MYH9: variants seen among roughly 807,000 people sequenced by gnomAD.
The protein encoded by MYH9 is myosin-9.
MYH9 carries 29 observed loss-of-function variants against 241.9 expected under a neutral mutation model. That is an observed-to-expected ratio of 0.12 (90% CI 0.09 to 0.16). The LOEUF (loss-of-function observed/expected upper bound fraction) is 0.16. Ranked by LOEUF, MYH9 falls within the 10% of genes least tolerant of loss-of-function variation. MYH9 has a pLI of 1.00. For missense variants in MYH9, 1,803 were observed against 2,595.5 expected (o/e 0.69, Z 6.63); for synonymous variants, 1,047 against 1,062.6 (o/e 0.99, Z 0.29).
chr22:36,367,040 C>T (rs967717807), intron 1 of MYH9, among the ~76,000 whole-genome samples: 20 of 152,170 alleles, frequency 1.3e-4, no homozygotes, highest in South Asian at 1.0e-3. Flanking sequence ...TTGCATACCA[C>T]GTTAGGGGGC....
At position 36,330,607 on chromosome 22, in the gene MYH9, C is replaced by T. The variant is rs16996674; in HGVS notation, c.491-3119G>A. On this transcript the variant is annotated intron_variant, in intron 3 of 40. Coordinates refer to ENST00000216181, the MANE Select transcript of MYH9 (RefSeq NM_002473.6). The surrounding 1 kb of genome is among the most constrained non-coding windows in gnomAD (Gnocchi z 4.5). ...CAACCAGTGGGCTCTTTGGCCTACT[C>T]AGTTTACTCTGCAGCCCACCTCCCC... Among the ~76,000 whole-genome samples, 10,180 of 152,116 alleles carry T rather than the reference C, an allele frequency of 0.067. 1,170 individuals are homozygous for T. Among genetic ancestry groups the T allele is most frequent in the African/African-American group, 0.24 (9,788 of 41,424 alleles).
Position 36,286,831 on chromosome 22 carries a change from A to G in MYH9, c.4948T>C (p.Cys1650Arg), listed in dbSNP as rs758485116. ...LRKLQAQMKD[C>R]MRELDDTRAS... ...CGGGTGTCATCCAGCTCGCGCATGC[A>G]GTCCTTCATCTGGGCCTGGGGTGGG... Residue 1650 changes from cysteine to arginine, a missense_variant, in exon 35 of 41, where the codon TGC (cysteine) becomes CGC (arginine). Around this residue, in one of 11 missense-constraint regions of MYH9, gnomAD observed 876 missense variants for 1,077.8 expected, o/e 0.81. Coordinates refer to ENST00000216181, the MANE Select transcript of MYH9 (RefSeq NM_002473.6). The G allele has an allele frequency of 6.8e-6, 11 of 1,608,804 alleles. No homozygotes were observed. In the African/African-American group the frequency reaches 1.3e-4, roughly 20 times the overall value.
At chr22:36,342,888 T>C (rs537800762) in intron 2 of MYH9, among the ~76,000 whole-genome samples, 1 of 152,336 alleles carries the variant, frequency 6.6e-6, no homozygotes, top group Admixed American at 6.5e-5. Context: ...GACTCGGGTC[T>C]CCAATGCCAA....
chr22:36,282,546 G>C lies in MYH9; in HGVS notation c.*122C>G, dbSNP rs530695299. 3 of 939,218 alleles carry C rather than the reference G, an allele frequency of 3.2e-6. No homozygotes were observed. The highest frequency in any genetic ancestry group is 5.2e-6 in the Non-Finnish European group (3 of 575,924). The allele number at this position is 939,218 out of a possible 1,614,324, so 58.2% of individuals were successfully genotyped here. A position where few individuals can be genotyped will look rare whatever the true frequency, so the allele number is the denominator to read the frequency against. ...AAACGGGATGGGGGGACGGGGCGGA[G>C]GGCAGGAGGAGGCATGTTCACAGCA... On this transcript the variant is annotated 3_prime_UTR_variant, in exon 41 of 41. Transcript: ENST00000216181.
chr22:36,320,734 C>T lies in MYH9; in HGVS notation c.868+64G>A, dbSNP rs575990810. The stretch of plus-strand genomic sequence containing the variant: ...TCATTTCCCAAATGATGTCTACGGT[C>T]CAATTCTGGCAAGAGGCCCAGAGCC... On this transcript the variant is annotated intron_variant, in intron 8 of 40. Transcript: ENST00000216181. The surrounding 1 kb of genome is among the most constrained non-coding windows in gnomAD (Gnocchi z 4.8). 64 of 1,393,042 alleles carry T rather than the reference C, an allele frequency of 4.6e-5. No individual in the cohort carries two copies. Among genetic ancestry groups the T allele is most frequent in the South Asian group, 4.7e-5 (4 of 85,146 alleles). The allele number at this position is 1,393,042 out of a possible 1,614,324, so 86.3% of individuals were successfully genotyped here.
chr22:36,300,028 G>A lies in MYH9; in HGVS notation c.2976+99C>T. Reference sequence around the variant, plus strand: ...CTCATGCTGCAGGCAGAAGAGACAGGAAGCAGCAGCAGCGGGGAGCCAGGC... The same window carrying A: ...CTCATGCTGCAGGCAGAAGAGACAGAAAGCAGCAGCAGCGGGGAGCCAGGC... On this transcript the variant is annotated intron_variant, in intron 23 of 40. Coordinates refer to ENST00000216181, the MANE Select transcript of MYH9 (RefSeq NM_002473.6). This position sits in a 1 kb window ranked among gnomAD's most constrained non-coding sequence, Gnocchi z 5.0. 4 of 1,522,276 alleles carry A rather than the reference G, an allele frequency of 2.6e-6. No homozygotes were observed. The highest frequency in any genetic ancestry group is 3.6e-6 in the Non-Finnish European group (4 of 1,110,624). The allele number at this position is 1,522,276 out of a possible 1,614,324, so 94.3% of individuals were successfully genotyped here. A position where few individuals can be genotyped will look rare whatever the true frequency, so the allele number is the denominator to read the frequency against.
chr22:36,328,313 C>T (rs1005167220), intron 3 of MYH9, among the ~76,000 whole-genome samples: 3 of 152,210 alleles, frequency 2.0e-5, no homozygotes, highest in African/African-American at 7.2e-5. Context: ...GCAGTAATGC[C>T]CACACTCTGA....
At chr22:36,377,596 G>A (rs988660768) in intron 1 of MYH9, among the ~76,000 whole-genome samples, 2 of 152,122 alleles carry the variant, frequency 1.3e-5, no homozygotes, top group African/African-American at 4.8e-5. Flanking sequence ...CAGGCTTGTT[G>A]GATAAATACG....
At chr22:36,360,489 G>A (rs371196882) in intron 1 of MYH9, among the ~76,000 whole-genome samples, 39 of 151,950 alleles carry the variant, frequency 2.6e-4, no homozygotes, top group African/African-American at 8.9e-4. Context: ...CGAGGCGGGC[G>A]GATCACGAGG....
At chr22:36,283,571 G>A (rs776499244) in intron 40 of MYH9, among the ~76,000 whole-genome samples, 4 of 149,374 alleles carry the variant, frequency 2.7e-5, no homozygotes, top group Non-Finnish European at 5.9e-5. Context: ...AAAAAAACAC[G>A]TAAACACATA....
intron 15 of MYH9, among the ~76,000 whole-genome samples, chr22:36,307,339 C>A (rs939346302): frequency 3.9e-5 from 6 of 152,160 alleles, no homozygotes; most frequent in African/African-American, 7.2e-5. Flanking sequence ...GCAATTAAAC[C>A]AATTGCATCC....
intron 1 of MYH9, among the ~76,000 whole-genome samples, chr22:36,383,495 C>T (rs979969141): frequency 2.6e-5 from 4 of 152,112 alleles, no homozygotes; most frequent in Non-Finnish European, 5.9e-5. Context: ...TGTGAATAGG[C>T]AGTCCACAAC....
chr22:36,354,766 T>C (rs575185809), intron 1 of MYH9, among the ~76,000 whole-genome samples: 2 of 152,066 alleles, frequency 1.3e-5, no homozygotes, highest in African/African-American at 4.8e-5. Flanking sequence ...CACCTTGAGA[T>C]ACATTCCCAG....
At chr22:36,314,046 G>C (rs2146356649) in intron 13 of MYH9, 99 bp downstream of exon 13, 5 of 1,447,872 alleles carry the variant, frequency 3.5e-6, no homozygotes, top group Non-Finnish European at 3.9e-6. Context: ...GGGGAGTTAA[G>C]ACACCTCCAC....
At chr22:36,297,438 T>A (rs1281391215) in intron 24 of MYH9, 6 of 170,612 alleles carry the variant, frequency 3.5e-5, no homozygotes. Context: ...CTCTGTGATG[T>A]CACTTGGGAA....
chr22:36,336,434 C>A (rs181675788), intron 3 of MYH9, among the ~76,000 whole-genome samples: 1 of 152,228 alleles, frequency 6.6e-6, no homozygotes, highest in Admixed American at 6.5e-5. Flanking sequence ...GTGCCTGCCC[C>A]GGGACACAGT....
chr22:36,299,159 G>C (rs926373191), intron 23 of MYH9, 117 bp from the exon 24 acceptor site: 1 of 1,358,172 alleles, frequency 7.4e-7, no homozygotes, highest in South Asian at 1.2e-5. Context: ...TTAGACGCTT[G>C]ATCAAGTTCA....
intron 1 of MYH9, among the ~76,000 whole-genome samples, chr22:36,369,413 A>T (rs2018058581): frequency 6.6e-6 from 1 of 152,226 alleles, no homozygotes; most frequent in Non-Finnish European, 1.5e-5. Context: ...GGCAGGAAAC[A>T]GTGGGCGGCA....
intron 1 of MYH9, among the ~76,000 whole-genome samples, chr22:36,350,713 G>T (rs2017751707): frequency 6.6e-6 from 1 of 152,224 alleles, no homozygotes. Flanking sequence ...CTCCCTGGAT[G>T]TAAGGGGCTT....
Sources: allele counts gnomAD v4.1 joint callset (sites outside exome capture counted in the v4.1 genomes callset), GRCh38; gene constraint gnomAD v4.1.1; regional missense constraint gnomAD v4.1.1; non-coding constraint Gnocchi (gnomAD v3.1); transcripts MANE v1.5; gene names NCBI Gene and HGNC (gene_info 2026-07-23, HGNC 2026-07-21).